The following AGXT2 variants were observed in gnomAD, a reference collection of about 807,000 sequenced individuals.
AGXT2 encodes alanine--glyoxylate aminotransferase 2, mitochondrial.
A neutral mutation model predicts 62.5 loss-of-function variants in AGXT2; 61 were observed. That is an observed-to-expected ratio of 0.98 (90% CI 0.79 to 1.21). AGXT2 has a LOEUF of 1.21. Ranked by LOEUF, AGXT2 falls within the 50% of genes most tolerant of loss-of-function variation. The pLI, the probability that AGXT2 is intolerant of heterozygous loss-of-function variation, is 0.00. For missense variants in AGXT2, 666 were observed against 641.5 expected, an observed-to-expected ratio of 1.04 and a Z score of -0.41; for synonymous variants, 243 against 218.7, an observed-to-expected ratio of 1.11 and a Z score of -0.98.
At chr5:35,042,620 A>G (rs1245582475) in intron 1 of AGXT2, among the ~76,000 whole-genome samples, 1 of 152,112 alleles carries the variant, frequency 6.6e-6, no homozygotes, top group Non-Finnish European at 1.5e-5. Context: ...AGATAATTGC[A>G]TGCAATTTTT....
chr5:35,007,826 G>T (rs1440788001), intron 12 of AGXT2, among the ~76,000 whole-genome samples: 2 of 152,158 alleles, frequency 1.3e-5, no homozygotes, highest in South Asian at 4.1e-4. Flanking sequence ...GTGCTTGGGT[G>T]GTGGGGGCAG....
At chr5:35,033,836 G>A (rs377363015) in intron 5 of AGXT2, among the ~76,000 whole-genome samples, 7 of 152,088 alleles carry the variant, frequency 4.6e-5, no homozygotes, top group African/African-American at 1.7e-4. Context: ...ATAGTAATGA[G>A]ACTCATCTTT....
chr5:35,019,162 C>T (rs1297077256), intron 9 of AGXT2, among the ~76,000 whole-genome samples: 2 of 102,354 alleles, frequency 2.0e-5, no homozygotes, highest in African/African-American at 4.0e-5. Context: ...TTAGACAGAT[C>T]AATGAGACAG....
chr5:35,007,141 A>C (rs1766456287), intron 12 of AGXT2, among the ~76,000 whole-genome samples: 1 of 152,162 alleles, frequency 6.6e-6, no homozygotes, highest in African/African-American at 2.4e-5. Flanking sequence ...TACCCTCATA[A>C]AAGAGGCTCC....
rs752275136 is a variant in AGXT2, at chr5:35,011,890, G to A, written c.1188+1064C>T. Among the ~76,000 whole-genome samples the A allele has an allele frequency of 1.3e-4, 20 of 149,516 alleles. No individual in the cohort carries two copies. In the South Asian group the frequency reaches 3.8e-3, roughly 29 times the overall value. ...CCAACCTAAGAGCCCATCAATTGAT[G>A]AGTGGATAAAGAAAATGTGGTGTAT... On this transcript the variant is annotated intron_variant, in intron 11 of 13. Transcript: ENST00000231420.
chr5:35,027,052 C>A (rs564024097), intron 7 of AGXT2: 8 of 981,526 alleles, frequency 8.2e-6, no homozygotes, highest in Admixed American at 6.2e-5. Context: ...TTCCATCCAT[C>A]GCAGCCCTTG....
At chr5:35,011,915 T>TAC (rs57016954) in intron 11 of AGXT2, among the ~76,000 whole-genome samples, 23,115 of 140,642 alleles carry the variant, frequency 0.16, 1,903 homozygotes, top group Non-Finnish European at 0.2. Flanking sequence ...ATGTGGTGTA[T>TAC]ACACACACAC....
chr5:35,030,891 A>T (rs1254978756), intron 7 of AGXT2, among the ~76,000 whole-genome samples: 1 of 152,164 alleles, frequency 6.6e-6, no homozygotes, highest in African/African-American at 2.4e-5. Flanking sequence ...AGGCATTGCT[A>T]TGGTCTGTTT....
intron 12 of AGXT2, among the ~76,000 whole-genome samples, chr5:35,007,289 G>A (rs541395110): frequency 1.7e-4 from 26 of 152,284 alleles, no homozygotes; most frequent in African/African-American, 6.0e-4. Context: ...GAACCATGAG[G>A]AATACATTTC....
At chr5:35,043,865 T>C (rs944431602) in intron 1 of AGXT2, among the ~76,000 whole-genome samples, 3 of 152,170 alleles carry the variant, frequency 2.0e-5, no homozygotes, top group African/African-American at 7.2e-5. Flanking sequence ...TAGTGTTTTG[T>C]ATTTTTAGTA....
intron 9 of AGXT2, among the ~76,000 whole-genome samples, chr5:35,020,450 T>G (rs895922120): frequency 6.6e-6 from 1 of 152,198 alleles, no homozygotes; most frequent in African/African-American, 2.4e-5. Flanking sequence ...ATCCAGCATA[T>G]AAGCAGAACC....
At chr5:35,028,074 C>G (rs1767427283) in intron 7 of AGXT2, among the ~76,000 whole-genome samples, 1 of 151,858 alleles carries the variant, frequency 6.6e-6, no homozygotes, top group Non-Finnish European at 1.5e-5. Context: ...TGGACTTCGT[C>G]ATCTCTTCCC....
chr5:35,021,237 G>A (rs1767067859), intron 9 of AGXT2, among the ~76,000 whole-genome samples: 3 of 152,264 alleles, frequency 2.0e-5, no homozygotes, highest in Non-Finnish European at 4.4e-5. Context: ...AAGTTCATAT[G>A]GAACCAAAGA....
chr5:35,005,394 A>G (rs1416035312), intron 12 of AGXT2, among the ~76,000 whole-genome samples: 1 of 151,952 alleles, frequency 6.6e-6, no homozygotes, highest in Non-Finnish European at 1.5e-5. Context: ...ACACCTGGCT[A>G]ATTTTTGTAT....
At chr5:35,033,693 C>T (rs1351355206) in intron 5 of AGXT2, 140 bp from the exon 6 acceptor site, 1 of 697,990 alleles carries the variant, frequency 1.4e-6, no homozygotes, top group Non-Finnish European at 2.6e-6. Context: ...CGCATCTAAG[C>T]TTATGTCGGA....
At chr5:35,046,121 T>C (rs1218507044) in intron 1 of AGXT2, among the ~76,000 whole-genome samples, 1 of 152,050 alleles carries the variant, frequency 6.6e-6, no homozygotes, top group African/African-American at 2.4e-5. Flanking sequence ...GGGCCTATGG[T>C]AAGGCGTCGC....
Position 35,047,799 on chromosome 5 carries a change from A to C in AGXT2, c.88+6T>G. The C allele has an allele frequency of 6.2e-7, 1 of 1,613,884 alleles. No individual in the cohort carries two copies. The highest frequency in any genetic ancestry group is 1.7e-4 in the Middle Eastern group (1 of 6,060). On this transcript the variant is annotated splice_donor_region_variant and intron_variant, in intron 1 of 13. Coordinates refer to ENST00000231420, the MANE Select transcript of AGXT2 (RefSeq NM_031900.4). ...ACTGACCCACGTCCCCCTGGTTTCC[A>C]CTTACGGCTCAGGAAAGGATGCATC...
At chr5:35,019,277 T>G (rs1165828526) in intron 9 of AGXT2, among the ~76,000 whole-genome samples, 2 of 147,910 alleles carry the variant, frequency 1.4e-5, no homozygotes, top group Admixed American at 6.8e-5. Flanking sequence ...ATACATTTTT[T>G]TCAGCACCAC....
chr5:35,023,861 ATATT>A (rs72046873), intron 9 of AGXT2, among the ~76,000 whole-genome samples: 22,811 of 143,820 alleles, frequency 0.16, 2,321 homozygotes, highest in African/African-American at 0.28. Context: ...GCTGTAGGGA[ATATT>A]TATTTATTTA....
Sources: gnomAD v4.1 joint callset for allele counts (sites outside exome capture counted in the v4.1 genomes callset) on GRCh38, gnomAD v4.1.1 for gene constraint, MANE v1.5 for transcripts, NCBI Gene and HGNC (gene_info 2026-07-23, HGNC 2026-07-21) for gene names.